The following ACSM1 variants were observed in gnomAD, a reference collection of about 807,000 sequenced individuals.
ACSM1 encodes the protein acyl-CoA synthetase medium chain family member 1, also known as acyl-coenzyme A synthetase ACSM1, mitochondrial.
A neutral mutation model predicts 75.8 loss-of-function variants in ACSM1; 79 were observed. The ratio of observed to expected loss-of-function variants is 1.04; its 90% confidence interval spans 0.87 to 1.26. The LOEUF is 1.26. ACSM1 is among the 50% of genes most tolerant of loss of function. The probability of loss-of-function intolerance (pLI) is 0.00; values close to 1 mark genes in which losing one functional copy is unlikely to be tolerated. For missense variants in ACSM1, 676 were observed against 720.1 expected, an observed-to-expected ratio of 0.94 and a Z score of 0.70; for synonymous variants, 279 against 265.8, an observed-to-expected ratio of 1.05 and a Z score of -0.48.
chr16:20,668,864 AAGT>A (rs2019719297), intron 6 of ACSM1, among the ~76,000 whole-genome samples: 1 of 152,194 alleles, frequency 6.6e-6, no homozygotes, highest in African/African-American at 2.4e-5. Context: ...ATTTTAGGAT[AAGT>A]ACACTGAATA....
intron 6 of ACSM1, among the ~76,000 whole-genome samples, chr16:20,667,615 G>C (rs140042316): frequency 1.1e-3 from 171 of 152,198 alleles, no homozygotes; most frequent in African/African-American, 3.9e-3. Context: ...AACAAACTTA[G>C]AACTACCGTT....
chr16:20,633,759 G>T (rs914377852), intron 10 of ACSM1, among the ~76,000 whole-genome samples: 4 of 152,128 alleles, frequency 2.6e-5, no homozygotes, highest in African/African-American at 9.7e-5. Context: ...GCCAGGCGCG[G>T]TAGCTCACAT....
At chr16:20,687,364 C>A (rs996053521) in intron 2 of ACSM1, among the ~76,000 whole-genome samples, 1 of 151,934 alleles carries the variant, frequency 6.6e-6, no homozygotes, top group Non-Finnish European at 1.5e-5. Context: ...GCCATTTATA[C>A]GGGAAAATTA....
chr16:20,680,997 C>CA (rs2079434156), intron 4 of ACSM1: 1 of 152,084 alleles, frequency 6.6e-6, no homozygotes, highest in Non-Finnish European at 1.5e-5. Flanking sequence ...AGCATAATCA[C>CA]AAAAATAGAC....
chr16:20,637,508 G>A, intron 8 of ACSM1, 57 bp from the exon 9 acceptor site: 3 of 1,425,254 alleles, frequency 2.1e-6, no homozygotes, highest in Non-Finnish European at 3.0e-6. Context: ...TGATCACAAA[G>A]CAGTCAGAAT....
At chr16:20,629,325 T>A (rs1410802466) in intron 10 of ACSM1, among the ~76,000 whole-genome samples, 2 of 152,202 alleles carry the variant, frequency 1.3e-5, no homozygotes, top group African/African-American at 2.4e-5. Flanking sequence ...GAGTACAGTT[T>A]TTTTTTATAC....
rs558208317 is a variant in ACSM1 at position 20,629,990 on chromosome 16, CAAAAA to C, written c.1300-2679_1300-2675del. Among the ~76,000 whole-genome samples the C allele has an allele frequency of 7.7e-4, 62 of 81,000 alleles. No individual in the cohort carries two copies. The East Asian group carries it at 0.019, about 25-fold the overall frequency. The allele number at this position is 81,000 out of a possible 152,430, so 53.1% of individuals were successfully genotyped here. Reference sequence around the variant, plus strand: ...CTGGAAACAGAGGGAGACTCCAACTCAAAAAAAAAAAAAAAAAGACACAAATATGT... The same window carrying C: ...CTGGAAACAGAGGGAGACTCCAACTCAAAAAAAAAAAAGACACAAATATGT... On this transcript the variant is annotated intron_variant, in intron 10 of 13. Coordinates refer to ENST00000520010, the MANE Select transcript of ACSM1 (RefSeq NM_001318890.3).
chr16:20,630,411 A>C (rs2017276282), intron 10 of ACSM1, among the ~76,000 whole-genome samples: 1 of 152,214 alleles, frequency 6.6e-6, no homozygotes, highest in African/African-American at 2.4e-5. Flanking sequence ...GTTAAAAATA[A>C]TTGCAAAAGA....
At position 20,677,224 on chromosome 16, in the gene ACSM1, A is replaced by AT. The variant is rs1168079908; in HGVS notation, c.611+5031dup. ...TAACCAGGAGAAGACTTTTAAAGAA[A>AT]TTAAAAAAAAAAAAAAAGCCTTGAC... is the stretch of plus-strand genomic sequence containing the variant. On this transcript the variant is annotated intron_variant, in intron 4 of 13. Transcript: ENST00000520010. Among the ~76,000 whole-genome samples, 3 of 136,832 alleles carry AT rather than the reference A, an allele frequency of 2.2e-5. No homozygotes were observed. The East Asian group carries it at 1.0e-3, about 45-fold the overall frequency. 89.8% of individuals were successfully genotyped at this position (136,832 alleles called of 152,430 possible).
chr16:20,685,853 A>C (rs2079545138), intron 2 of ACSM1, among the ~76,000 whole-genome samples: 1 of 147,046 alleles, frequency 6.8e-6, no homozygotes, highest in African/African-American at 2.5e-5. Flanking sequence ...AAAACAAAAA[A>C]CTTATAGCAT....
intron 7 of ACSM1, among the ~76,000 whole-genome samples, chr16:20,661,315 C>T (rs749266209): frequency 2.6e-5 from 4 of 151,996 alleles, no homozygotes; most frequent in African/African-American, 7.3e-5. Context: ...GTTTAAAATT[C>T]GAACACATGT....
At chr16:20,690,974 C>A (rs371646055) in intron 2 of ACSM1, 23 bp downstream of exon 2, 24 of 1,595,620 alleles carry the variant, frequency 1.5e-5, no homozygotes, top group Non-Finnish European at 2.0e-5. Context: ...GTTCTTATAT[C>A]GCCATCACGG....
At chr16:20,682,521 G>A in intron 3 of ACSM1, 58 bp from the exon 4 acceptor site, 1 of 1,434,764 alleles carries the variant, frequency 7.0e-7, no homozygotes, top group Non-Finnish European at 9.8e-7. Context: ...ATGGGCTTTA[G>A]ACTTGGCTTG....
intron 2 of ACSM1, among the ~76,000 whole-genome samples, chr16:20,690,687 G>T: frequency 6.6e-6 from 1 of 152,202 alleles, no homozygotes; most frequent in Non-Finnish European, 1.5e-5. Context: ...ATACGAATTT[G>T]CTGACCTTGT....
At chr16:20,650,740 G>A (rs2018602814) in intron 7 of ACSM1, among the ~76,000 whole-genome samples, 1 of 151,854 alleles carries the variant, frequency 6.6e-6, no homozygotes, top group South Asian at 2.1e-4. Flanking sequence ...ACCCTCTTTT[G>A]GGCACTCTGT....
intron 4 of ACSM1, chr16:20,674,367 A>AAAAC: frequency 4.7e-6 from 1 of 214,380 alleles, no homozygotes; most frequent in South Asian, 5.6e-5. Context: ...GTAAGAAATG[A>AAAAC]TGTAATGCAT....
intron 2 of ACSM1, among the ~76,000 whole-genome samples, chr16:20,690,338 C>T (rs1380228513): frequency 6.6e-6 from 1 of 152,208 alleles, no homozygotes; most frequent in Non-Finnish European, 1.5e-5. Flanking sequence ...AATGTCACTA[C>T]TGCTTCTCTC....
Position 20,636,797 on chromosome 16 carries a change from C to T in ACSM1, c.1241G>A (p.Gly414Glu), listed in dbSNP as rs867105850. The change falls in exon 10 of 14, where the codon GGA (glycine) becomes GAA (glutamate). Residue 414 changes from glycine to glutamate, a missense_variant. Transcript: ENST00000520010. ...KGSILPPNTE[G>E]NIGIRIKPVR... ...AGGTTTGATTCTGATGCCAATGTTT[C>T]CTTCTGTGTTAGGTGGCAGGATGCT... The T allele has an allele frequency of 6.2e-7, 1 of 1,614,032 alleles. No homozygotes were observed. Among genetic ancestry groups the T allele is most frequent in the Non-Finnish European group, 8.5e-7 (1 of 1,180,004 alleles).
Position 20,627,216 on chromosome 16 carries a change from C to T in ACSM1, c.1400G>A (p.Arg467Lys), listed in dbSNP as rs1367709614. ...DEEGYICFLGRSDDIINASGY... is the reference protein window; with the variant it reads ...DEEGYICFLGKSDDIINASGY... ...AGAGGCATTAATGATGTCATCACTC[C>T]TCCCCAGGAAACAAATGTAGCCCTC... The change falls in exon 11 of 14, where the codon AGG becomes AAG. Residue 467 changes from arginine to lysine, a missense_variant. Transcript: ENST00000520010. 9.5e-6 allele frequency: 15 copies of T among 1,573,260 alleles called. No individual in the cohort carries two copies. Among genetic ancestry groups the T allele is most frequent in the Non-Finnish European group, 1.2e-5 (14 of 1,162,262 alleles).
Sources: gnomAD v4.1 joint callset for allele counts (sites outside exome capture counted in the v4.1 genomes callset) on GRCh38, gnomAD v4.1.1 for gene constraint, MANE v1.5 for transcripts, NCBI Gene and HGNC (gene_info 2026-07-23, HGNC 2026-07-21) for gene names.